Variants in OTUD4 observed in about 807,000 individuals in gnomAD.
The protein encoded by OTUD4 is OTU domain-containing protein 4.
A neutral mutation model predicts 130.4 loss-of-function variants in OTUD4; 24 were observed. That is an observed-to-expected ratio of 0.18 (90% CI 0.13 to 0.26). The LOEUF (loss-of-function observed/expected upper bound fraction) is 0.26, where lower values mean the gene tolerates loss of function less well. Ranked by LOEUF, OTUD4 falls within the 10% of genes least tolerant of loss-of-function variation. The pLI, the probability that OTUD4 is intolerant of heterozygous loss-of-function variation, is 1.00. For synonymous variants in OTUD4, 420 were observed against 472.5 expected (o/e 0.89, Z 1.44); for missense variants, 1,031 against 1,329.4 (o/e 0.78, Z 3.49).
chr4:145,149,645 C>T (rs770269814), intron 13 of OTUD4: 6 of 152,110 alleles, frequency 3.9e-5, no homozygotes, highest in Non-Finnish European at 8.8e-5. Context: ...ACCTTCACAC[C>T]AGCCTATACA....
At chr4:145,179,733 C>A in intron 1 of OTUD4, 82 bp downstream of exon 1, 1 of 1,441,944 alleles carries the variant, frequency 6.9e-7, no homozygotes, top group Non-Finnish European at 9.1e-7. Context: ...GCGGCCCGGA[C>A]AGCCCGCAGC....
At chr4:145,167,188 TA>T (rs1751920991) in intron 3 of OTUD4, among the ~76,000 whole-genome samples, 1 of 152,186 alleles carries the variant, frequency 6.6e-6, no homozygotes. Flanking sequence ...GGTAAAGACT[TA>T]ATACATTAAG....
intron 13 of OTUD4, 65 bp from the exon 14 acceptor site, chr4:145,146,494 T>C: frequency 1.0e-6 from 1 of 955,254 alleles, no homozygotes; most frequent in Admixed American, 3.8e-5. Flanking sequence ...AAATAAAACA[T>C]TCTTGTCAAA....
chr4:145,166,633 A>G (rs1751890557), intron 3 of OTUD4, among the ~76,000 whole-genome samples: 1 of 152,124 alleles, frequency 6.6e-6, no homozygotes, highest in Admixed American at 6.5e-5. Context: ...CGAGGTTGGG[A>G]GTTCAAGACC....
chr4:145,139,826 T>C (rs764870834), intron 20 of OTUD4, 125 bp downstream of exon 20: 1 of 421,050 alleles, frequency 2.4e-6, no homozygotes, highest in Non-Finnish European at 4.4e-6. Flanking sequence ...AAAATGCTGG[T>C]TTTTAAAATG....
At chr4:145,146,535 T>C in intron 13 of OTUD4, 106 bp from the exon 14 acceptor site, 2 of 640,796 alleles carry the variant, frequency 3.1e-6, no homozygotes, top group Non-Finnish European at 4.8e-6. Context: ...ACTGAGTACC[T>C]AAAATAAAAT....
intron 3 of OTUD4, among the ~76,000 whole-genome samples, chr4:145,165,777 A>T (rs998486101): frequency 6.6e-6 from 1 of 151,914 alleles, no homozygotes; most frequent in East Asian, 1.9e-4. Flanking sequence ...CGCCTGGCCC[A>T]AGTTGAGAAC....
chr4:145,158,691 A>G (rs758081417), intron 7 of OTUD4, among the ~76,000 whole-genome samples: 18 of 152,182 alleles, frequency 1.2e-4, no homozygotes, highest in Non-Finnish European at 2.5e-4. Context: ...CAATAAGAAT[A>G]CCATAGGTTT....
At chr4:145,163,176 T>C (rs948746807) in intron 5 of OTUD4, among the ~76,000 whole-genome samples, 1 of 152,224 alleles carries the variant, frequency 6.6e-6, no homozygotes, top group Non-Finnish European at 1.5e-5. Flanking sequence ...TAACAATATA[T>C]TTCAAAACTT....
intron 5 of OTUD4, 144 bp downstream of exon 5, chr4:145,164,010 A>T (rs1751723072): frequency 1.9e-6 from 1 of 521,296 alleles, no homozygotes; most frequent in East Asian, 3.8e-5. Context: ...ACCCGGCTAT[A>T]GGAACTTTTA....
chr4:145,171,743 A>C, intron 2 of OTUD4, 23 bp from the exon 3 acceptor site: 1 of 1,034,366 alleles, frequency 9.7e-7, no homozygotes, highest in South Asian at 1.3e-5. Context: ...AATCTATTAG[A>C]AATGTCATCT....
chr4:145,174,838 A>T, intron 1 of OTUD4, 94 bp from the exon 2 acceptor site: 1 of 695,748 alleles, frequency 1.4e-6, no homozygotes. Flanking sequence ...CTGACAACCA[A>T]TAGATTATCA....
intron 1 of OTUD4, 147 bp downstream of exon 1, chr4:145,179,668 G>C (rs1306035086): frequency 2.1e-6 from 3 of 1,404,350 alleles, no homozygotes; most frequent in Non-Finnish European, 2.8e-6. Flanking sequence ...TCCCACTCCG[G>C]CGTTACAATG....
intron 10 of OTUD4, among the ~76,000 whole-genome samples, chr4:145,154,584 A>AGTAT (rs1416360682): frequency 6.6e-6 from 1 of 152,222 alleles, no homozygotes; most frequent in East Asian, 1.9e-4. Flanking sequence ...TTGAAATAGC[A>AGTAT]GTATTTTTCC....
chr4:145,175,492 T>G (rs1472417172), intron 1 of OTUD4, among the ~76,000 whole-genome samples: 1 of 152,186 alleles, frequency 6.6e-6, no homozygotes, highest in East Asian at 1.9e-4. Context: ...AAAAGATAAC[T>G]TACTGGCATG....
intron 14 of OTUD4, among the ~76,000 whole-genome samples, chr4:145,145,105 T>A (rs1750755078): frequency 6.6e-6 from 1 of 152,088 alleles, no homozygotes; most frequent in African/African-American, 2.4e-5. Context: ...AAATGATGAG[T>A]ATGAAGGACC....
intron 20 of OTUD4, among the ~76,000 whole-genome samples, chr4:145,138,912 C>G (rs1003331150): frequency 6.6e-6 from 1 of 152,214 alleles, no homozygotes; most frequent in African/African-American, 2.4e-5. Context: ...GTATCTCCAT[C>G]ACTGACTGTT....
chr4:145,140,736 C>T (rs925157089), intron 19 of OTUD4, among the ~76,000 whole-genome samples: 2 of 152,090 alleles, frequency 1.3e-5, no homozygotes, highest in Admixed American at 6.6e-5. Context: ...GTTGATAAAG[C>T]TCCACAGTGT....
intron 18 of OTUD4, 30 bp downstream of exon 18, chr4:145,142,166 C>T: frequency 1.9e-6 from 3 of 1,599,906 alleles, no homozygotes; most frequent in Non-Finnish European, 2.6e-6. Context: ...GGTATTTTGG[C>T]TGGCTAGATT....
Sources: gnomAD v4.1 joint callset for allele counts (sites outside exome capture counted in the v4.1 genomes callset) on GRCh38, gnomAD v4.1.1 for gene constraint, MANE v1.5 for transcripts, NCBI Gene and HGNC (gene_info 2026-07-23, HGNC 2026-07-21) for gene names.